FRMD4A: variants seen among roughly 807,000 people sequenced by gnomAD.
FRMD4A encodes FERM domain-containing protein 4A.
Under a neutral mutation model 129.1 loss-of-function variants are expected in FRMD4A, and 29 were observed. That is an observed-to-expected ratio of 0.22 (90% CI 0.17 to 0.31). FRMD4A has a LOEUF of 0.31. Ranked by LOEUF, FRMD4A falls within the 10% of genes least tolerant of loss-of-function variation. The pLI, the probability that FRMD4A is intolerant of heterozygous loss-of-function variation, is 1.00. For synonymous variants in FRMD4A, 634 were observed against 571.6 expected, an observed-to-expected ratio of 1.11 and a Z score of -1.56; for missense variants, 1,272 against 1,375.8, an observed-to-expected ratio of 0.92 and a Z score of 1.19.
At chr10:14,039,070 C>T (rs1011086086) in intron 2 of FRMD4A, among the ~76,000 whole-genome samples, 10 of 152,102 alleles carry the variant, frequency 6.6e-5, no homozygotes, top group African/African-American at 9.7e-5. Flanking sequence ...CAATATTTAC[C>T]GAGCTTGTTG....
At chr10:13,669,390 T>A (rs1407225093) in intron 17 of FRMD4A, among the ~76,000 whole-genome samples, 2 of 152,160 alleles carry the variant, frequency 1.3e-5, no homozygotes, top group Non-Finnish European at 1.5e-5. Flanking sequence ...TAGTTTTAAT[T>A]GAAGCACATT....
chr10:13,815,012 A>G (rs553846959), intron 3 of FRMD4A, among the ~76,000 whole-genome samples: 39 of 152,238 alleles, frequency 2.6e-4, no homozygotes, highest in African/African-American at 9.1e-4. Flanking sequence ...TTAGCTGATC[A>G]TGTTACATTG....
intron 3 of FRMD4A, among the ~76,000 whole-genome samples, chr10:13,842,715 C>T (rs1480907203): frequency 6.6e-6 from 1 of 152,140 alleles, no homozygotes; most frequent in African/African-American, 2.4e-5. Flanking sequence ...GTTATGTAAA[C>T]TTTCAATAAA....
chr10:13,927,679 GCCAGAA>G (rs1173609567), intron 2 of FRMD4A, among the ~76,000 whole-genome samples: 2 of 152,208 alleles, frequency 1.3e-5, no homozygotes, highest in African/African-American at 4.8e-5. Context: ...GATAGTAAAT[GCCAGAA>G]CTATAAATTC....
chr10:14,329,940 G>A, intron 2 of FRMD4A, 118 bp downstream of exon 2: 1 of 924,682 alleles, frequency 1.1e-6, no homozygotes, highest in Non-Finnish European at 1.7e-6. Context: ...GAGCCTGCGG[G>A]ATAAAGCGGA....
At chr10:14,318,129 C>T (rs988541338) in intron 2 of FRMD4A, among the ~76,000 whole-genome samples, 8 of 152,228 alleles carry the variant, frequency 5.3e-5, no homozygotes, top group South Asian at 2.1e-4. Context: ...AATGGCCTAA[C>T]GTAAAGCATT....
At position 13,900,770 on chromosome 10, in the gene FRMD4A, G is replaced by GCA. The variant is rs765360329; in HGVS notation, c.46-41859_46-41858insTG. On this transcript the variant is annotated intron_variant, in intron 2 of 24. Transcript: ENST00000357447. ...AAATTAGCCAGGCGTGTTGGCAGGT[G>GCA]CCTGTAATCCCAGCTACTCAGGAGG... Among the ~76,000 whole-genome samples the GCA allele has an allele frequency of 9.4e-3, 1,429 of 152,142 alleles. 13 individuals are homozygous for GCA. Among genetic ancestry groups the GCA allele is most frequent in the South Asian group, 0.027 (130 of 4,806 alleles).
intron 2 of FRMD4A, among the ~76,000 whole-genome samples, chr10:14,060,126 TTA>T (rs1365434427): frequency 6.6e-6 from 1 of 152,250 alleles, no homozygotes; most frequent in Non-Finnish European, 1.5e-5. Flanking sequence ...ACGTTAAATA[TTA>T]TATGTCAATT....
At chr10:14,141,384 C>A (rs140504667) in intron 2 of FRMD4A, among the ~76,000 whole-genome samples, 1 of 152,122 alleles carries the variant, frequency 6.6e-6, no homozygotes, top group Non-Finnish European at 1.5e-5. Context: ...CACCATCTGC[C>A]GGATGCTATC....
chr10:13,819,043 G>A lies in FRMD4A; in HGVS notation c.112-8135C>T, dbSNP rs540855504. Among the ~76,000 whole-genome samples the A allele has an allele frequency of 9.9e-5, 15 of 152,174 alleles. No individual in the cohort carries two copies. In the South Asian group the frequency reaches 2.5e-3, roughly 25 times the overall value. ...CTCGAGAGGCTGAGGCACGAGAATC[G>A]CTTGAACCTAGGAGATGGAGGTTGC... is the stretch of plus-strand genomic sequence containing the variant. On this transcript the variant is annotated intron_variant, in intron 3 of 24. Transcript: ENST00000357447.
Position 13,746,866 on chromosome 10 carries a change from C to T in FRMD4A, c.548+870G>A, listed in dbSNP as rs113121395. ...AAGCCCTGCCCAACTGTGGCCCAAA[C>T]CACAACCTGGGAGTCTTTCAAATGG... On this transcript the variant is annotated intron_variant, in intron 9 of 24. Transcript: ENST00000357447. 3.9e-3 allele frequency among the ~76,000 whole-genome samples: 590 copies of T among 152,272 alleles called. 6 individuals carry two copies. The highest frequency in any genetic ancestry group is 0.014 in the Middle Eastern group (4 of 294).
At chr10:14,017,491 T>A (rs1236753248) in intron 2 of FRMD4A, among the ~76,000 whole-genome samples, 1 of 152,202 alleles carries the variant, frequency 6.6e-6, no homozygotes, top group Non-Finnish European at 1.5e-5. Context: ...TTGACTCAAT[T>A]TTTACTAGGC....
intron 15 of FRMD4A, among the ~76,000 whole-genome samples, chr10:13,678,349 G>C (rs1360860496): frequency 2.6e-5 from 4 of 152,194 alleles, no homozygotes; most frequent in Admixed American, 6.5e-5. Flanking sequence ...TCAAATCCCC[G>C]CAAAATCACT....
chr10:14,113,069 T>C (rs1838007969), intron 2 of FRMD4A, among the ~76,000 whole-genome samples: 1 of 152,220 alleles, frequency 6.6e-6, no homozygotes. Flanking sequence ...AGAGTTGTAT[T>C]CTGTGGACTT....
intron 2 of FRMD4A, among the ~76,000 whole-genome samples, chr10:13,898,664 G>C (rs1479085853): frequency 2.3e-4 from 35 of 152,288 alleles, no homozygotes; most frequent in African/African-American, 8.4e-4. Flanking sequence ...AGAGATGATG[G>C]CTTAGCTCTG....
At chr10:13,900,067 C>T (rs1012358970) in intron 2 of FRMD4A, among the ~76,000 whole-genome samples, 4 of 152,148 alleles carry the variant, frequency 2.6e-5, no homozygotes, top group African/African-American at 9.7e-5. Flanking sequence ...TGGCTGGTTT[C>T]AAGTGAATCC....
chr10:14,112,106 C>T (rs1040692717), intron 2 of FRMD4A, among the ~76,000 whole-genome samples: 1 of 152,018 alleles, frequency 6.6e-6, no homozygotes, highest in African/African-American at 2.4e-5. Context: ...TGAGAAAATG[C>T]ACAATTAATT....
intron 2 of FRMD4A, among the ~76,000 whole-genome samples, chr10:13,887,130 A>C (rs751498): frequency 0.43 from 65,906 of 151,932 alleles, 15,197 homozygotes; most frequent in Non-Finnish European, 0.53. Context: ...AGAGCCTACA[A>C]GGAACTTCTC....
At chr10:13,931,951 A>AAACAAACCAACC (rs1554974880) in intron 2 of FRMD4A, among the ~76,000 whole-genome samples, 1 of 111,388 alleles carries the variant, frequency 9.0e-6, no homozygotes. Context: ...TCTGTCTCAA[A>AAACAAACCAACC]AACCAACCAA....
Sources: allele counts gnomAD v4.1 joint callset (sites outside exome capture counted in the v4.1 genomes callset), GRCh38; gene constraint gnomAD v4.1.1; transcripts MANE v1.5; gene names NCBI Gene and HGNC (gene_info 2026-07-23, HGNC 2026-07-21).